CCDC6: variants seen among roughly 807,000 people sequenced by gnomAD.
CCDC6 encodes the protein coiled-coil domain containing 6, also known as coiled-coil domain-containing protein 6.
Under a neutral mutation model 56.6 loss-of-function variants are expected in CCDC6, and 20 were observed. The observed-to-expected ratio is 0.35, with a 90% CI of 0.25 to 0.51. The LOEUF is 0.51. Among genes scored for constraint, CCDC6 ranks in the 20% least tolerant of loss-of-function variants. CCDC6 has a pLI of 0.95. For synonymous variants in CCDC6, 241 were observed against 234.4 expected (o/e 1.03, Z -0.26); for missense variants, 367 against 601.1 (o/e 0.61, Z 4.07).
At chr10:59,869,049 C>T (rs1031645760) in intron 1 of CCDC6, among the ~76,000 whole-genome samples, 5 of 152,012 alleles carry the variant, frequency 3.3e-5, no homozygotes, top group Non-Finnish European at 7.4e-5. Flanking sequence ...CCTGGGGACT[C>T]CTGACACACC....
At chr10:59,797,209 T>C (rs117048438) in intron 7 of CCDC6, among the ~76,000 whole-genome samples, 119 of 152,156 alleles carry the variant, frequency 7.8e-4, no homozygotes, top group Non-Finnish European at 1.5e-3. Context: ...GCCAATCTCA[T>C]AGACACAGAG....
At chr10:59,869,436 AAAAAACAG>A (rs1435519863) in intron 1 of CCDC6, among the ~76,000 whole-genome samples, 2 of 151,044 alleles carry the variant, frequency 1.3e-5, no homozygotes, top group African/African-American at 4.9e-5. Flanking sequence ...AAAGAAAAAA[AAAAAACAG>A]AAACAAAAAC....
At position 59,791,238 on chromosome 10, in the gene CCDC6, T is replaced by C. The variant is rs1276793623; in HGVS notation, c.*1679A>G. On this transcript the variant is annotated 3_prime_UTR_variant, in exon 9 of 9. Coordinates refer to ENST00000263102, the MANE Select transcript of CCDC6 (RefSeq NM_005436.5). ...AAAATTTATATAGACCTACAGTTTCTTCCAAACAATTGAGTGATGTTCTCA... is the reference window on the plus strand; with the variant it reads ...AAAATTTATATAGACCTACAGTTTCCTCCAAACAATTGAGTGATGTTCTCA... 3.5e-5 allele frequency: 7 copies of C among 198,574 alleles called. No homozygotes were observed. In the East Asian group the frequency reaches 5.5e-4, roughly 15 times the overall value. 12.3% of individuals were successfully genotyped at this position (198,574 alleles called of 1,614,324 possible). A position where few individuals can be genotyped will look rare whatever the true frequency, so the allele number is the denominator to read the frequency against.
intron 1 of CCDC6, among the ~76,000 whole-genome samples, chr10:59,860,802 C>T (rs545438966): frequency 5.3e-5 from 8 of 152,130 alleles, no homozygotes; most frequent in Non-Finnish European, 1.2e-4. Flanking sequence ...AATCCCAGCA[C>T]TTTAGGAGGC....
intron 2 of CCDC6, among the ~76,000 whole-genome samples, chr10:59,843,865 G>A (rs2070964951): frequency 6.6e-6 from 1 of 152,146 alleles, no homozygotes; most frequent in Non-Finnish European, 1.5e-5. Flanking sequence ...TTGAGGTAGG[G>A]TTGACTGATC....
At position 59,789,290 on chromosome 10, in the gene CCDC6, C is replaced by T. The variant is rs1251030338; in HGVS notation, c.*3627G>A. ...ATGCAGACACACACATGCACACACA[C>T]AGCACCCATGCTATCAAGACACAGG... On this transcript the variant is annotated 3_prime_UTR_variant, in exon 9 of 9. Transcript: ENST00000263102. 8.6e-6 allele frequency: 2 copies of T among 231,798 alleles called. No individual in the cohort carries two copies. Among genetic ancestry groups the T allele is most frequent in the African/African-American group, 4.4e-5 (2 of 45,230 alleles). The allele number at this position is 231,798 out of a possible 1,614,324, so 14.4% of individuals were successfully genotyped here.
At chr10:59,877,667 G>A (rs2071296202) in intron 1 of CCDC6, among the ~76,000 whole-genome samples, 1 of 152,112 alleles carries the variant, frequency 6.6e-6, no homozygotes, top group African/African-American at 2.4e-5. Context: ...TGTTTAGTAG[G>A]CATACACAAC....
chr10:59,849,326 CTT>C, intron 2 of CCDC6, among the ~76,000 whole-genome samples: 1 of 152,152 alleles, frequency 6.6e-6, no homozygotes, highest in Non-Finnish European at 1.5e-5. Flanking sequence ...TGCATGCTCC[CTT>C]TTGTGTGTGT....
At chr10:59,903,120 G>C (rs910484054) in intron 1 of CCDC6, among the ~76,000 whole-genome samples, 1 of 152,128 alleles carries the variant, frequency 6.6e-6, no homozygotes, top group East Asian at 1.9e-4. Flanking sequence ...ACTAAGGAGA[G>C]AGTAAAAAAA....
At chr10:59,882,053 G>C (rs1364386332) in intron 1 of CCDC6, among the ~76,000 whole-genome samples, 14 of 141,598 alleles carry the variant, frequency 9.9e-5, no homozygotes, top group Non-Finnish European at 1.9e-4. Flanking sequence ...AAGCCAGGGG[G>C]AGAAGGAAAG....
intron 1 of CCDC6, among the ~76,000 whole-genome samples, chr10:59,865,560 G>T (rs1401631278): frequency 6.6e-6 from 1 of 152,126 alleles, no homozygotes. Flanking sequence ...GATTGCAAAA[G>T]AATATGATTC....
intron 2 of CCDC6, among the ~76,000 whole-genome samples, chr10:59,834,093 A>T (rs2070858897): frequency 6.6e-6 from 1 of 152,160 alleles, no homozygotes; most frequent in African/African-American, 2.4e-5. Flanking sequence ...AGGGGATGCA[A>T]CGTTTCTTTG....
chr10:59,816,870 T>C (rs1338452047), intron 3 of CCDC6, among the ~76,000 whole-genome samples: 1 of 152,092 alleles, frequency 6.6e-6, no homozygotes. Flanking sequence ...ATTTGACAAG[T>C]GAATAAGCCA....
At chr10:59,798,870 A>G (rs1206773426) in intron 7 of CCDC6, among the ~76,000 whole-genome samples, 7 of 109,366 alleles carry the variant, frequency 6.4e-5, no homozygotes, top group Admixed American at 5.0e-4. Context: ...GTTTGTGCTG[A>G]TAAATCCCAG....
intron 1 of CCDC6, among the ~76,000 whole-genome samples, chr10:59,882,497 G>A (rs1401057965): frequency 6.3e-5 from 2 of 31,534 alleles, no homozygotes; most frequent in African/African-American, 1.8e-4. Context: ...AAGGAAAGCC[G>A]GGGGGAGAAG....
At chr10:59,810,643 A>G (rs1162674103) in intron 5 of CCDC6, among the ~76,000 whole-genome samples, 1 of 152,194 alleles carries the variant, frequency 6.6e-6, no homozygotes, top group Non-Finnish European at 1.5e-5. Context: ...CCAAACACAC[A>G]TAGTAATTAA....
At position 59,876,062 on chromosome 10, in the gene CCDC6, TGC is replaced by T. The variant is rs1491369278; in HGVS notation, c.304-23362_304-23361del. 1.6e-4 allele frequency among the ~76,000 whole-genome samples: 14 copies of T among 85,872 alleles called. 1 individual carries two copies. Among genetic ancestry groups the T allele is most frequent in the African/African-American group, 6.5e-4 (14 of 21,662 alleles). 56.3% of individuals were successfully genotyped at this position (85,872 alleles called of 152,430 possible). A position where few individuals can be genotyped will look rare whatever the true frequency, so the allele number is the denominator to read the frequency against. On this transcript the variant is annotated intron_variant, in intron 1 of 8. Transcript: ENST00000263102. ...AAGCCTACACACATACACGAGTGCA[TGC>T]ACAGATGTCTTTTTTTTTTTTTTTT...
intron 2 of CCDC6, among the ~76,000 whole-genome samples, chr10:59,845,423 A>G (rs2070983532): frequency 6.9e-6 from 1 of 145,938 alleles, no homozygotes; most frequent in South Asian, 2.1e-4. Flanking sequence ...ACATGTGCAC[A>G]CACACTTTAA....
chr10:59,894,294 C>G (rs1012688409), intron 1 of CCDC6, among the ~76,000 whole-genome samples: 1 of 152,242 alleles, frequency 6.6e-6, no homozygotes, highest in Non-Finnish European at 1.5e-5. Context: ...GGTCACTGCT[C>G]TCCTCCCATC....
Sources: gnomAD v4.1 joint callset for allele counts (sites outside exome capture counted in the v4.1 genomes callset) on GRCh38, gnomAD v4.1.1 for gene constraint, MANE v1.5 for transcripts, NCBI Gene and HGNC (gene_info 2026-07-23, HGNC 2026-07-21) for gene names.